IQANK1: variants seen among roughly 807,000 people sequenced by gnomAD.
IQANK1 encodes IQ motif and ankyrin repeat domain-containing protein 1.
Under a neutral mutation model 22.6 loss-of-function variants are expected in IQANK1, and 30 were observed. That is an observed-to-expected ratio of 1.33 (90% CI 0.99 to 1.80). The LOEUF is 1.80. Among genes scored for constraint, IQANK1 ranks in the 40% most tolerant of loss-of-function variants. The probability of loss-of-function intolerance (pLI) is 0.00; values close to 1 mark genes in which losing one functional copy is unlikely to be tolerated. For synonymous variants in IQANK1, 122 were observed against 99.6 expected (o/e 1.23, Z -1.34); for missense variants, 275 against 235.2 (o/e 1.17, Z -1.11).
chr8:143,750,457 A>T (rs1480443708), intron 3 of IQANK1, among the ~76,000 whole-genome samples: 2 of 152,160 alleles, frequency 1.3e-5, no homozygotes, highest in African/African-American at 4.8e-5. Context: ...TAGACAGCAT[A>T]TACTTGGATC....
intron 7 of IQANK1, among the ~76,000 whole-genome samples, chr8:143,773,300 C>CAAAAAAAAAA (rs1185632785): frequency 6.3e-5 from 5 of 79,676 alleles, no homozygotes; most frequent in Admixed American, 1.3e-4. Context: ...GAGTGAGACT[C>CAAAAAAAAAA]AAAAAAAAAA....
intron 3 of IQANK1, among the ~76,000 whole-genome samples, chr8:143,751,121 A>G (rs1285954605): frequency 6.6e-6 from 1 of 152,142 alleles, no homozygotes; most frequent in Non-Finnish European, 1.5e-5. Flanking sequence ...ACGACATAAA[A>G]AACTCTGTTC....
In IQANK1 at chr8:143,770,746, G is replaced by T. The variant is rs115357860; in HGVS notation, c.176-742G>T. 5.8e-3 allele frequency among the ~76,000 whole-genome samples: 885 copies of T among 152,386 alleles called. 12 individuals carry two copies. The highest frequency in any genetic ancestry group is 0.02 in the African/African-American group (816 of 41,596). On this transcript the variant is annotated intron_variant, in intron 3 of 13. Transcript: ENST00000527139. ...CTGGCACAAGTCACACCCACGGGGCGCACGCTGAGCGTTCACTGTGGCGGA... is the reference window on the plus strand; with the variant it reads ...CTGGCACAAGTCACACCCACGGGGCTCACGCTGAGCGTTCACTGTGGCGGA...
intron 7 of IQANK1, among the ~76,000 whole-genome samples, chr8:143,781,318 A>C (rs1194466490): frequency 1.3e-5 from 2 of 152,130 alleles, no homozygotes; most frequent in African/African-American, 4.8e-5. Flanking sequence ...AGAAGCTCTC[A>C]TGTTTAATTA....
At chr8:143,751,696 G>GAC (rs532333893) in intron 3 of IQANK1, among the ~76,000 whole-genome samples, 158 of 74,714 alleles carry the variant, frequency 2.1e-3, no homozygotes, top group Non-Finnish European at 4.6e-3. Flanking sequence ...ATACAAAACA[G>GAC]ACATAGACTT....
intron 3 of IQANK1, chr8:143,743,086 A>G (rs536748068): frequency 4.4e-6 from 2 of 454,980 alleles, no homozygotes; most frequent in Middle Eastern, 3.4e-4. Flanking sequence ...CACCACATCT[A>G]CCAGCTCTGC....
intron 7 of IQANK1, among the ~76,000 whole-genome samples, chr8:143,780,773 G>GCCTTT (rs1554630863): frequency 1.3e-5 from 2 of 152,148 alleles, no homozygotes; most frequent in African/African-American, 4.8e-5. Flanking sequence ...TGTGAATAGT[G>GCCTTT]CTGCAGTCAA....
intron 2 of IQANK1, among the ~76,000 whole-genome samples, chr8:143,738,514 G>T (rs956013927): frequency 9.9e-5 from 15 of 152,140 alleles, no homozygotes; most frequent in Admixed American, 2.0e-4. Context: ...GCGGTGGCTC[G>T]CCTGGGCTGA....
At position 143,790,250 on chromosome 8, in the gene IQANK1, T is replaced by TGGCTCTGCTGGG. The variant is rs1334611076; in HGVS notation, c.1412_1423dup (p.Leu471_Leu474dup). 3 of 1,232,044 alleles carry TGGCTCTGCTGGG rather than the reference T, an allele frequency of 2.4e-6. No individual in the cohort carries two copies. Among genetic ancestry groups the TGGCTCTGCTGGG allele is most frequent in the Non-Finnish European group, 3.0e-6 (3 of 988,062 alleles). 76.3% of individuals were successfully genotyped at this position (1,232,044 alleles called of 1,614,324 possible). A position where few individuals can be genotyped will look rare whatever the true frequency, so the allele number is the denominator to read the frequency against. On this transcript the variant is annotated inframe_insertion, in exon 13 of 14. Transcript: ENST00000527139. ...CCCCTGAGGCCGGAGACGATGTGGC[T>TGGCTCTGCTGGG]GGCTCTGCTGGGGGCTCTGCGGTGA...
chr8:143,736,264 C>G (rs782095904), intron 2 of IQANK1, among the ~76,000 whole-genome samples: 1 of 152,090 alleles, frequency 6.6e-6, no homozygotes, highest in Non-Finnish European at 1.5e-5. Flanking sequence ...TTCAGCCTCC[C>G]GAGTAGCTGG....
intron 2 of IQANK1, 80 bp downstream of exon 2, chr8:143,736,018 AC>A (rs367894056): frequency 2.9e-4 from 203 of 688,828 alleles, no homozygotes; most frequent in African/African-American, 2.9e-3. Context: ...ACCGAGAGAC[AC>A]CCCCTCTGAG....
intron 7 of IQANK1, among the ~76,000 whole-genome samples, chr8:143,787,899 C>A (rs1338737077): frequency 3.3e-5 from 5 of 152,112 alleles, no homozygotes; most frequent in African/African-American, 1.2e-4. Context: ...GGCCCCGTCG[C>A]CAGGCCTGCC....
At chr8:143,752,197 C>T (rs1819208370) in intron 3 of IQANK1, among the ~76,000 whole-genome samples, 1 of 152,150 alleles carries the variant, frequency 6.6e-6, no homozygotes, top group Admixed American at 6.6e-5. Context: ...AACTCCTGAC[C>T]TCAGGTGATC....
chr8:143,768,413 T>C (rs782398164), intron 3 of IQANK1, among the ~76,000 whole-genome samples: 8 of 152,114 alleles, frequency 5.3e-5, no homozygotes, highest in Non-Finnish European at 1.0e-4. Flanking sequence ...GTACTATGTT[T>C]TCCTTTCGTG....
intron 7 of IQANK1, among the ~76,000 whole-genome samples, chr8:143,773,850 G>A (rs1173723121): frequency 6.6e-6 from 1 of 152,210 alleles, no homozygotes; most frequent in Non-Finnish European, 1.5e-5. Flanking sequence ...GTGCAAGTGG[G>A]AGTCAGGGGT....
chr8:143,787,603 CCT>C lies in IQANK1; in HGVS notation c.790-1311_790-1310del, dbSNP rs1312250570. On this transcript the variant is annotated intron_variant, in intron 7 of 13. Transcript: ENST00000527139. Reference sequence around the variant, plus strand: ...CCCAGTTCTGCCCACATTCAGTCTCCCTGTTTGCACTTGTCTGTGGCCAGTCT... The same window carrying C: ...CCCAGTTCTGCCCACATTCAGTCTCCGTTTGCACTTGTCTGTGGCCAGTCT... Among the ~76,000 whole-genome samples the C allele has an allele frequency of 9.8e-5, 15 of 152,312 alleles. No homozygotes were observed. The South Asian group carries it at 2.3e-3, about 23-fold the overall frequency.
At chr8:143,787,575 C>A (rs1037436528) in intron 7 of IQANK1, among the ~76,000 whole-genome samples, 1 of 152,194 alleles carries the variant, frequency 6.6e-6, no homozygotes, top group African/African-American at 2.4e-5. Flanking sequence ...TCTGTGAGTT[C>A]TTCCCAGTTC....
chr8:143,740,864 CAG>C (rs1316341385), intron 3 of IQANK1, among the ~76,000 whole-genome samples: 6 of 152,268 alleles, frequency 3.9e-5, no homozygotes, highest in Non-Finnish European at 8.8e-5. Context: ...ATAAGAGCCT[CAG>C]GGGTGCGGGA....
rs1819599117 is a variant in IQANK1, at chr8:143,772,490, C to A, written c.789+8C>A. The A allele has an allele frequency of 2.5e-6, 1 of 399,282 alleles. No individual in the cohort carries two copies. Among genetic ancestry groups the A allele is most frequent in the Non-Finnish European group, 4.4e-6 (1 of 226,404 alleles). The allele number at this position is 399,282 out of a possible 1,614,324, so 24.7% of individuals were successfully genotyped here. ...GGGAGCACCCCTGAGCGGGTGTGGA[C>A]CCCAGAGGTGTGGGCCCCGGGAGGT... On this transcript the variant is annotated splice_region_variant and intron_variant, in intron 7 of 13. Transcript: ENST00000527139.
Sources: gnomAD v4.1 joint callset for allele counts (sites outside exome capture counted in the v4.1 genomes callset) on GRCh38, gnomAD v4.1.1 for gene constraint, MANE v1.5 for transcripts, NCBI Gene and HGNC (gene_info 2026-07-23, HGNC 2026-07-21) for gene names.